Variants in CPT2 observed in about 807,000 individuals in gnomAD.
CPT2 encodes carnitine O-palmitoyltransferase 2, mitochondrial.
A neutral mutation model predicts 48.6 loss-of-function variants in CPT2; 37 were observed. That is an observed-to-expected ratio of 0.76 (90% CI 0.59 to 1.00). The LOEUF (loss-of-function observed/expected upper bound fraction) is 1.00, where lower values mean the gene tolerates loss of function less well. CPT2 is among the 50% of genes least tolerant of loss of function. The pLI, the probability that CPT2 is intolerant of heterozygous loss-of-function variation, is 0.00. For missense variants in CPT2, 772 were observed against 825.6 expected (o/e 0.94, Z 0.80); for synonymous variants, 319 against 326.9 (o/e 0.98, Z 0.26).
At chr1:53,209,592 A>G (rs1302654197) in intron 3 of CPT2, 2 of 232,502 alleles carry the variant, frequency 8.6e-6, no homozygotes, top group Non-Finnish European at 8.5e-6. Flanking sequence ...CCTGCCCAAC[A>G]TGGTGAAACC....
chr1:53,206,521 G>A (rs1270339944), intron 3 of CPT2, among the ~76,000 whole-genome samples: 1 of 152,214 alleles, frequency 6.6e-6, no homozygotes, highest in Non-Finnish European at 1.5e-5. Flanking sequence ...CAGGGGCAGG[G>A]CTACCAAAGG....
At chr1:53,200,403 C>T in intron 1 of CPT2, 1 of 320,170 alleles carries the variant, frequency 3.1e-6, no homozygotes. Flanking sequence ...AGTGTTAGCA[C>T]AGGTGTTATC....
At position 53,202,389 on chromosome 1, in the gene CPT2, T is replaced by TG; in HGVS notation, c.301dup (p.Ala101GlyfsTer7). 2 of 1,614,152 alleles carry TG rather than the reference T, an allele frequency of 1.2e-6. No individual in the cohort carries two copies. The highest frequency in any genetic ancestry group is 2.2e-5 in the South Asian group (2 of 91,090). ...GAAAAGAACTGCATGAGCAGCTGGT[T>TG]GCTCTGGACAAACAGAATAAACATA... On this transcript the variant is annotated frameshift_variant, in exon 3 of 5. Transcript: ENST00000371486. LOFTEE classifies it high-confidence loss of function.
At chr1:53,200,835 G>A (rs1482681296) in intron 2 of CPT2, 36 bp downstream of exon 2, 1 of 1,548,238 alleles carries the variant, frequency 6.5e-7, no homozygotes. Flanking sequence ...CATAGTTGGG[G>A]TGGTTCAAGA....
Position 53,210,028 on chromosome 1 carries a change from T to C in CPT2, c.354T>C (p.Asp118=), listed in dbSNP as rs2100271574. The change falls in exon 4 of 5, where the codon GAT becomes GAC. Residue 118 remains aspartate (D), a synonymous_variant. Coordinates refer to ENST00000371486, the MANE Select transcript of CPT2 (RefSeq NM_000098.3). ...TTTATTTTTTAGGACCCTGGTTTGA[T>C]ATGTACCTATCTGCTCGAGACTCCG... ...HTSYISGPWF[D]MYLSARDSVV... 4 of 1,613,912 alleles carry C rather than the reference T, an allele frequency of 2.5e-6. No homozygotes were observed. Among genetic ancestry groups the C allele is most frequent in the Non-Finnish European group, 3.4e-6 (4 of 1,179,784 alleles).
rs569718628 is a variant in CPT2, at chr1:53,199,362, G to C, written c.153-1357G>C. Among the ~76,000 whole-genome samples the C allele has an allele frequency of 1.1e-4, 16 of 152,018 alleles. No homozygotes were observed. The South Asian group carries it at 3.3e-3, about 32-fold the overall frequency. ...CACCATCATGCCTGGCTGATTTTTTGTATCTTTTATAGAGACAGGGTTTCG... is the reference window on the plus strand; with the variant it reads ...CACCATCATGCCTGGCTGATTTTTTCTATCTTTTATAGAGACAGGGTTTCG... On this transcript the variant is annotated intron_variant, in intron 1 of 4. Transcript: ENST00000371486.
rs113346917 is a variant in CPT2 at position 53,213,174 on chromosome 1, A to AG, written c.1646-86dup. ...TTCCCCCACTCTCAAGGATGCTGTG[A>AG]GGGGTATTCCTACCATGTGGTGAGT... On this transcript the variant is annotated intron_variant, in intron 4 of 4. Coordinates refer to ENST00000371486, the MANE Select transcript of CPT2 (RefSeq NM_000098.3). 2.9e-5 allele frequency: 37 copies of AG among 1,265,294 alleles called. 1 individual carries two copies. In the African/African-American group the frequency reaches 5.1e-4, roughly 17 times the overall value. The allele number at this position is 1,265,294 out of a possible 1,614,324, so 78.4% of individuals were successfully genotyped here. A position where few individuals can be genotyped will look rare whatever the true frequency, so the allele number is the denominator to read the frequency against.
Position 53,213,554 on chromosome 1 carries a change from G to A in CPT2, c.1936G>A (p.Asp646Asn), listed in dbSNP as rs369202713. The change falls in exon 5 of 5, where the codon GAC (aspartate) becomes AAC (asparagine). Residue 646 changes from aspartate to asparagine, a missense_variant. Coordinates refer to ENST00000371486, the MANE Select transcript of CPT2 (RefSeq NM_000098.3). The part of the protein sequence containing the change: ...FLQCVEKALE[D>N]MFDALEGKSI... Reference sequence around the variant, plus strand: ...CCAATGTGTGGAGAAGGCCTTAGAAGACATGTTTGATGCCTTAGAAGGCAA... The same window carrying A: ...CCAATGTGTGGAGAAGGCCTTAGAAAACATGTTTGATGCCTTAGAAGGCAA... 1.2e-6 allele frequency: 2 copies of A among 1,614,172 alleles called. No individual in the cohort carries two copies. Among genetic ancestry groups the A allele is most frequent in the Non-Finnish European group, 1.7e-6 (2 of 1,180,042 alleles).
chr1:53,202,762 C>CCTG, intron 3 of CPT2: 1 of 335,588 alleles, frequency 3.0e-6, no homozygotes, highest in Non-Finnish European at 5.8e-6. Flanking sequence ...CAGAACTGTC[C>CCTG]TCTCCAGCCT....
chr1:53,209,033 A>T (rs1365489700), intron 3 of CPT2: 2 of 152,202 alleles, frequency 1.3e-5, no homozygotes, highest in Admixed American at 6.5e-5. Flanking sequence ...AGCTATGTCC[A>T]TACAAAAACA....
Position 53,202,420 on chromosome 1 carries a change from T to C in CPT2, c.331T>C (p.Tyr111His). 1.9e-6 allele frequency: 3 copies of C among 1,613,570 alleles called. No homozygotes were observed. Among genetic ancestry groups the C allele is most frequent in the Non-Finnish European group, 2.5e-6 (3 of 1,179,454 alleles). ...GGACAAACAGAATAAACATACAAGC[T>C]ACATTTCGGGTAGGTAGGCTGGGCT... ...ALDKQNKHTS[Y>H]ISGPWFDMYL... is the part of the protein sequence containing the mutation. The change falls in exon 3 of 5, where the codon TAC (tyrosine) becomes CAC (histidine). Residue 111 changes from tyrosine to histidine, a missense_variant. Physicochemically the swap from Tyr to His is moderately conservative, Grantham distance 83. Coordinates refer to ENST00000371486, the MANE Select transcript of CPT2 (RefSeq NM_000098.3).
chr1:53,209,938 A>AT (rs1289285234), intron 3 of CPT2, 77 bp from the exon 4 acceptor site: 16 of 1,295,528 alleles, frequency 1.2e-5, no homozygotes, highest in African/African-American at 3.0e-5. Flanking sequence ...CTATGCTTGA[A>AT]TTTTTTTTCT....
rs1645415258 is a variant in CPT2, at chr1:53,210,399, ACCT to A, written c.729_731del (p.Leu244del). 6.2e-7 allele frequency: 1 copy of A among 1,614,044 alleles called. No individual in the cohort carries two copies. The highest frequency in any genetic ancestry group is 8.5e-7 in the Non-Finnish European group (1 of 1,180,036). On this transcript the variant is annotated inframe_deletion, in exon 4 of 5. Transcript: ENST00000371486. ...CTCTTCACTGATGACAAGGCCAGAC[ACCT>A]CCTGGTCCTAAGGAAAGGAAATTTT...
At position 53,210,893 on chromosome 1, in the gene CPT2, G is replaced by T; in HGVS notation, c.1219G>T (p.Asp407Tyr). 1 of 1,614,156 alleles carries T rather than the reference G, an allele frequency of 6.2e-7. No individual in the cohort carries two copies. Reference sequence around the variant, plus strand: ...TCCACAGAGCCAGCCAGCTACCACTGACTCTACTGTCACGGTGCAGAAACT... The same window carrying T: ...TCCACAGAGCCAGCCAGCTACCACTTACTCTACTGTCACGGTGCAGAAACT... ...VTPQSQPATT[D>Y]STVTVQKLNF... Residue 407 changes from aspartate to tyrosine, a missense_variant, in exon 4 of 5, where the codon GAC becomes TAC. Physicochemically the swap from Asp to Tyr is radical, Grantham distance 160 (BLOSUM62 -3). Transcript: ENST00000371486.
chr1:53,202,451 TATG>T, intron 3 of CPT2, 22 bp downstream of exon 3: 1 of 1,551,606 alleles, frequency 6.4e-7, no homozygotes. Flanking sequence ...GGGCTGTGGG[TATG>T]ATTTCTCCCA....
chr1:53,202,122 A>G (rs914741629), intron 2 of CPT2: 2 of 549,280 alleles, frequency 3.6e-6, no homozygotes, highest in African/African-American at 1.9e-5. Context: ...GATTTTCCTA[A>G]TCATTCATTT....
At chr1:53,209,536 G>A (rs1645407897) in intron 3 of CPT2, 1 of 191,638 alleles carries the variant, frequency 5.2e-6, no homozygotes, top group Non-Finnish European at 1.1e-5. Flanking sequence ...ACATTATTAG[G>A]AGGCCGAGGC....
chr1:53,210,687 T>C lies in CPT2; in HGVS notation c.1013T>C (p.Leu338Ser), dbSNP rs961059441. The C allele has an allele frequency of 2.5e-6, 4 of 1,614,072 alleles. No homozygotes were observed. The African/African-American group carries it at 5.3e-5, about 22-fold the overall frequency. The stretch of plus-strand genomic sequence containing the variant: ...TTCCCCATTAAGGACCTTGTCCACT[T>C]GTCCCACAATATGCTGCATGGGGAT... ...DDFPIKDLVH[L>S]SHNMLHGDGT... The change falls in exon 4 of 5, where the codon TTG (leucine) becomes TCG (serine). Residue 338 changes from leucine to serine, a missense_variant. Leu to Ser is a moderately radical substitution (Grantham distance 145). Transcript: ENST00000371486.
chr1:53,205,631 A>G (rs550120468), intron 3 of CPT2, among the ~76,000 whole-genome samples: 1 of 152,360 alleles, frequency 6.6e-6, no homozygotes, highest in South Asian at 2.1e-4. Flanking sequence ...TCTTGAGGGC[A>G]TTTCAGAGAT....
Sources: allele counts gnomAD v4.1 joint callset (sites outside exome capture counted in the v4.1 genomes callset), GRCh38; gene constraint gnomAD v4.1.1; transcripts MANE v1.5; gene names NCBI Gene and HGNC (gene_info 2026-07-23, HGNC 2026-07-21).